EIF4G3: variants seen among roughly 807,000 people sequenced by gnomAD.
EIF4G3 encodes eIF-4-gamma 3.
In EIF4G3, 34 loss-of-function variants were observed where a neutral mutation model predicts 186.4. That is an observed-to-expected ratio of 0.18 (90% CI 0.14 to 0.24). The LOEUF is 0.24. Among genes scored for constraint, EIF4G3 ranks in the 10% least tolerant of loss-of-function variants. The probability of loss-of-function intolerance (pLI) is 1.00; values close to 1 mark genes in which losing one functional copy is unlikely to be tolerated. For missense variants in EIF4G3, 1,536 were observed against 1,948.5 expected (o/e 0.79, Z 3.99); for synonymous variants, 673 against 679.5 (o/e 0.99, Z 0.15).
intron 14 of EIF4G3, among the ~76,000 whole-genome samples, chr1:20,928,825 A>G (rs991963027): frequency 1.3e-5 from 2 of 152,172 alleles, no homozygotes; most frequent in East Asian, 3.8e-4. Context: ...CTACCACTAT[A>G]TAACTTTAGA....
At chr1:21,112,924 T>C (rs1331474853) in intron 2 of EIF4G3, among the ~76,000 whole-genome samples, 3 of 152,228 alleles carry the variant, frequency 2.0e-5, no homozygotes, top group South Asian at 4.1e-4. Flanking sequence ...AAAAATCAAA[T>C]GCCATTTCTC....
At chr1:21,053,416 TG>T (rs947508849) in intron 3 of EIF4G3, among the ~76,000 whole-genome samples, 1 of 137,536 alleles carries the variant, frequency 7.3e-6, no homozygotes, top group Non-Finnish European at 1.5e-5. Flanking sequence ...GGAAGGGAGG[TG>T]GGGGGGTTAG....
intron 2 of EIF4G3, among the ~76,000 whole-genome samples, chr1:21,160,513 A>G (rs2097748020): frequency 6.6e-6 from 1 of 152,224 alleles, no homozygotes; most frequent in African/African-American, 2.4e-5. Context: ...GAAAGAGAAT[A>G]ACTCCACAAT....
chr1:21,071,835 AAAG>A (rs1444193562), intron 3 of EIF4G3, among the ~76,000 whole-genome samples: 19 of 152,252 alleles, frequency 1.2e-4, no homozygotes, highest in South Asian at 2.1e-4. Flanking sequence ...GAGGAAAAAA[AAAG>A]AAGAAGAAAA....
chr1:21,104,915 A>G (rs1432707557), intron 2 of EIF4G3, among the ~76,000 whole-genome samples: 1 of 152,230 alleles, frequency 6.6e-6, no homozygotes, highest in East Asian at 1.9e-4. Flanking sequence ...TTGCAGCAAC[A>G]TGGATGGAGC....
chr1:21,043,932 A>G (rs1426654108), intron 4 of EIF4G3, among the ~76,000 whole-genome samples: 2 of 152,164 alleles, frequency 1.3e-5, no homozygotes, highest in Non-Finnish European at 2.9e-5. Flanking sequence ...CACCTATTAG[A>G]AAAACATTTG....
intron 4 of EIF4G3, among the ~76,000 whole-genome samples, chr1:21,033,921 TA>T (rs989417022): frequency 2.6e-5 from 4 of 151,674 alleles, no homozygotes; most frequent in African/African-American, 7.3e-5. Flanking sequence ...CCTGCCTCTA[TA>T]AAAAAAAATT....
chr1:21,139,158 A>G (rs942356513), intron 2 of EIF4G3, among the ~76,000 whole-genome samples: 3 of 152,226 alleles, frequency 2.0e-5, no homozygotes, highest in African/African-American at 7.2e-5. Context: ...CCCAAAACAA[A>G]TCCACTTCAA....
At position 21,018,822 on chromosome 1, in the gene EIF4G3, T is replaced by C. The variant is rs75301478; in HGVS notation, c.-66-16014A>G. On this transcript the variant is annotated intron_variant, in intron 4 of 36. Coordinates refer to ENST00000602326, the MANE Select transcript of EIF4G3 (RefSeq NM_001391906.1). ...TCTGAACACACCTCCCCCTCACCTT[T>C]TGCCATGAGTAGAAGCTTCCTGAGG... 5.7e-3 allele frequency among the ~76,000 whole-genome samples: 863 copies of C among 152,256 alleles called. 3 individuals carry two copies. Among genetic ancestry groups the C allele is most frequent in the Non-Finnish European group, 9.7e-3 (658 of 68,026 alleles).
intron 12 of EIF4G3, among the ~76,000 whole-genome samples, chr1:20,957,928 A>T (rs912083738): frequency 1.3e-5 from 2 of 152,090 alleles, no homozygotes; most frequent in South Asian, 4.1e-4. Flanking sequence ...ACACAAAAAA[A>T]GCCTGGACCA....
chr1:20,877,559 A>T lies in EIF4G3; in HGVS notation c.2622+1764T>A, dbSNP rs914822804. ...AGTAGGTGCTGAATAGACTATTTTT[A>T]TTATAATAATCATCCTCATTCTATA... On this transcript the variant is annotated intron_variant, in intron 20 of 36. Coordinates refer to ENST00000602326, the MANE Select transcript of EIF4G3 (RefSeq NM_001391906.1). 3.9e-5 allele frequency among the ~76,000 whole-genome samples: 6 copies of T among 152,344 alleles called. No homozygotes were observed. The South Asian group carries it at 1.0e-3, about 26-fold the overall frequency.
At chr1:21,072,124 T>C (rs1435440717) in intron 3 of EIF4G3, among the ~76,000 whole-genome samples, 1 of 152,230 alleles carries the variant, frequency 6.6e-6, no homozygotes, top group Non-Finnish European at 1.5e-5. Context: ...CTAAGTTTTG[T>C]ATCATGTACA....
intron 20 of EIF4G3, among the ~76,000 whole-genome samples, chr1:20,866,852 C>CCTG (rs1272696149): frequency 3.3e-5 from 5 of 152,144 alleles, no homozygotes; most frequent in Non-Finnish European, 7.4e-5. Flanking sequence ...AAAATCCTAG[C>CCTG]CAGCATCTTG....
intron 7 of EIF4G3, among the ~76,000 whole-genome samples, chr1:20,996,431 C>T (rs558385993): frequency 6.6e-6 from 1 of 152,276 alleles, no homozygotes; most frequent in East Asian, 1.9e-4. Context: ...TAGCCATCCA[C>T]CCCATATAGC....
At position 21,130,638 on chromosome 1, in the gene EIF4G3, C is replaced by T. The variant is rs72654845; in HGVS notation, c.-271-41425G>A. The stretch of plus-strand genomic sequence containing the variant: ...TACTGTTCTTCTATACAATGTTCAA[C>T]GCTTAATCAAAACTTAGGAGACACA... On this transcript the variant is annotated intron_variant, in intron 2 of 36. Coordinates refer to ENST00000602326, the MANE Select transcript of EIF4G3 (RefSeq NM_001391906.1). Among the ~76,000 whole-genome samples, 1,067 of 152,146 alleles carry T rather than the reference C, an allele frequency of 7.0e-3. 4 individuals are homozygous for T. The highest frequency in any genetic ancestry group is 0.017 in the Middle Eastern group (5 of 294).
intron 8 of EIF4G3, 36 bp from the exon 9 acceptor site, chr1:20,981,263 T>G: frequency 6.9e-7 from 1 of 1,456,580 alleles, no homozygotes; most frequent in Non-Finnish European, 9.3e-7. Flanking sequence ...TTTTTTTTTT[T>G]TTAACACAGG....
At chr1:20,862,188 C>T (rs925729289) in intron 23 of EIF4G3, 40 bp downstream of exon 23, 1 of 1,247,410 alleles carries the variant, frequency 8.0e-7, no homozygotes, top group Admixed American at 2.0e-5. Flanking sequence ...TTTAAAGAGA[C>T]TGGACCAGCA....
intron 30 of EIF4G3, among the ~76,000 whole-genome samples, chr1:20,833,527 T>C (rs1309647190): frequency 1.3e-5 from 2 of 152,214 alleles, no homozygotes; most frequent in Non-Finnish European, 2.9e-5. Flanking sequence ...AGGGGTTTTC[T>C]AGATATACAA....
chr1:21,061,650 T>C (rs1023354920), intron 3 of EIF4G3, among the ~76,000 whole-genome samples: 1 of 152,038 alleles, frequency 6.6e-6, no homozygotes, highest in African/African-American at 2.4e-5. Context: ...CTAAAATTTA[T>C]TTCTGGATCA....
Sources: allele counts gnomAD v4.1 joint callset (sites outside exome capture counted in the v4.1 genomes callset), GRCh38; gene constraint gnomAD v4.1.1; transcripts MANE v1.5; gene names NCBI Gene and HGNC (gene_info 2026-07-23, HGNC 2026-07-21).